The following KANK1 variants were observed in gnomAD, a reference collection of about 807,000 sequenced individuals.
KANK1 encodes the protein KN motif and ankyrin repeat domain-containing protein 1.
Under a neutral mutation model 106.2 loss-of-function variants are expected in KANK1, and 109 were observed. The ratio of observed to expected loss-of-function variants is 1.03; its 90% CI spans 0.88 to 1.20. The LOEUF is 1.20. Among genes scored for constraint, KANK1 ranks in the 50% most tolerant of loss-of-function variants. The probability of loss-of-function intolerance (pLI) is 0.00; values close to 1 mark genes in which losing one functional copy is unlikely to be tolerated. For synonymous variants in KANK1, 873 were observed against 652.2 expected, an observed-to-expected ratio of 1.34 and a Z score of -5.16; for missense variants, 2,399 against 1,710.7, an observed-to-expected ratio of 1.40 and a Z score of -7.10.
At position 498,913 on chromosome 9, in the gene KANK1, C is replaced by T. The variant is rs371284521; in HGVS notation, c.-362+25640C>T. 2.6e-5 allele frequency among the ~76,000 whole-genome samples: 4 copies of T among 152,280 alleles called. No individual in the cohort carries two copies. The South Asian group carries it at 6.2e-4, about 24-fold the overall frequency. On this transcript the variant is annotated intron_variant, in intron 3 of 15. Coordinates refer to the KANK1 transcript ENST00000382303. ...ATGGAGTTGGCTGGGCGAGGTGGCT[C>T]ACGCCTTTAATCCCAGCACTTTGGG...
chr9:664,088 T>C (rs1844004724), intron 1 of KANK1, among the ~76,000 whole-genome samples: 1 of 152,188 alleles, frequency 6.6e-6, no homozygotes, highest in South Asian at 2.1e-4. Flanking sequence ...ATTCTGTTCT[T>C]GTAATAGTGA....
chr9:519,754 G>C (rs1254557526), intron 1 of KANK1, among the ~76,000 whole-genome samples: 1 of 151,750 alleles, frequency 6.6e-6, no homozygotes, highest in South Asian at 2.1e-4. Context: ...ATGGTGAGCT[G>C]TTGAGCCTTG....
intron 1 of KANK1, among the ~76,000 whole-genome samples, chr9:505,262 C>G (rs955446056): frequency 6.6e-6 from 1 of 152,152 alleles, no homozygotes; most frequent in Non-Finnish European, 1.5e-5. Context: ...GTCAAGACCC[C>G]TTTATCCTCG....
At chr9:709,613 T>C (rs2130832095) in intron 2 of KANK1, among the ~76,000 whole-genome samples, 1 of 147,144 alleles carries the variant, frequency 6.8e-6, no homozygotes. Flanking sequence ...TTCATGTCTT[T>C]TTTTTTTTTT....
At chr9:494,429 G>A (rs1023693823) in intron 3 of KANK1, among the ~76,000 whole-genome samples, 29 of 150,446 alleles carry the variant, frequency 1.9e-4, no homozygotes, top group African/African-American at 7.0e-4. Context: ...ATTCTCCCCT[G>A]TTACTGTGTA....
At chr9:491,212 C>T (rs370894680) in intron 3 of KANK1, among the ~76,000 whole-genome samples, 1 of 151,774 alleles carries the variant, frequency 6.6e-6, no homozygotes, top group African/African-American at 2.4e-5. Context: ...CCTCCTACCT[C>T]GGCCTCCCAA....
chr9:604,594 G>C (rs1828614871), intron 1 of KANK1, among the ~76,000 whole-genome samples: 3 of 151,780 alleles, frequency 2.0e-5, no homozygotes, highest in African/African-American at 7.3e-5. Flanking sequence ...CACTTTGAGA[G>C]ACCAACGCGG....
At chr9:716,690 T>G (rs1371478988) in intron 3 of KANK1, among the ~76,000 whole-genome samples, 1 of 152,206 alleles carries the variant, frequency 6.6e-6, no homozygotes, top group Non-Finnish European at 1.5e-5. Flanking sequence ...CAAAAAAGTG[T>G]TATTTTTAGC....
chr9:545,051 A>G (rs1563745858), intron 1 of KANK1, among the ~76,000 whole-genome samples: 2 of 150,254 alleles, frequency 1.3e-5, no homozygotes, highest in Admixed American at 6.6e-5. Context: ...AAAGGGGACA[A>G]ATGGCGGCTG....
At chr9:519,274 G>C (rs1302318041) in intron 1 of KANK1, among the ~76,000 whole-genome samples, 1 of 151,748 alleles carries the variant, frequency 6.6e-6, no homozygotes, top group Non-Finnish European at 1.5e-5. Flanking sequence ...ATCAAGATCT[G>C]TCAGCCTTAA....
At chr9:700,970 C>A (rs984039624) in intron 2 of KANK1, among the ~76,000 whole-genome samples, 5 of 152,118 alleles carry the variant, frequency 3.3e-5, no homozygotes, top group African/African-American at 1.2e-4. Context: ...CACCCCAGTG[C>A]TTTTTGCTCA....
At chr9:609,915 ATCTT>A (rs1366988467) in intron 1 of KANK1, among the ~76,000 whole-genome samples, 5 of 152,258 alleles carry the variant, frequency 3.3e-5, no homozygotes, top group African/African-American at 1.2e-4. Context: ...AAATGTTTTT[ATCTT>A]TCTTATACAT....
chr9:529,577 T>A (rs1333577214), intron 1 of KANK1, among the ~76,000 whole-genome samples: 1 of 152,228 alleles, frequency 6.6e-6, no homozygotes, highest in Non-Finnish European at 1.5e-5. Flanking sequence ...AGACTTCATA[T>A]ATTGTTATGC....
chr9:710,700 T>G (rs1825791491), intron 2 of KANK1, 104 bp from the exon 3 acceptor site: 2 of 1,033,500 alleles, frequency 1.9e-6, no homozygotes, highest in Admixed American at 2.7e-5. Context: ...GTGTGTCAAC[T>G]CTTAAAATCA....
intron 1 of KANK1, among the ~76,000 whole-genome samples, chr9:528,427 C>G (rs191454810): frequency 2.7e-5 from 4 of 150,142 alleles, no homozygotes; most frequent in Non-Finnish European, 5.9e-5. Flanking sequence ...GGTGGATTTC[C>G]TCAGCTTTAC....
intron 7 of KANK1, among the ~76,000 whole-genome samples, chr9:737,510 C>T (rs981809121): frequency 1.6e-4 from 24 of 152,358 alleles, no homozygotes; most frequent in East Asian, 3.9e-4. Context: ...ACTGCTCAGT[C>T]TCCACTGAGC....
intron 7 of KANK1, among the ~76,000 whole-genome samples, chr9:738,057 G>A (rs184703477): frequency 6.6e-6 from 1 of 152,172 alleles, no homozygotes; most frequent in Admixed American, 6.5e-5. Context: ...CTTCTGCATG[G>A]TGCTGTCTGG....
At chr9:679,815 T>C (rs529174394) in intron 2 of KANK1, among the ~76,000 whole-genome samples, 27 of 152,356 alleles carry the variant, frequency 1.8e-4, no homozygotes, top group African/African-American at 6.0e-4. Context: ...ATTTTTTATA[T>C]AGTTGTCAAA....
intron 1 of KANK1, among the ~76,000 whole-genome samples, chr9:653,632 T>G (rs1470117421): frequency 1.3e-5 from 2 of 152,144 alleles, no homozygotes; most frequent in Admixed American, 1.3e-4. Flanking sequence ...TCAAGAGCCC[T>G]GTAAAGCCTG....
Sources: gnomAD v4.1 joint callset for allele counts (sites outside exome capture counted in the v4.1 genomes callset) on GRCh38, gnomAD v4.1.1 for gene constraint, MANE v1.5 for transcripts, NCBI Gene and HGNC (gene_info 2026-07-23, HGNC 2026-07-21) for gene names.